The following MAP2K1 variants were observed in gnomAD, a reference collection of about 807,000 sequenced individuals.
MAP2K1 encodes the protein mitogen-activated protein kinase kinase 1.
In MAP2K1, 16 loss-of-function variants were observed where a neutral mutation model predicts 46.3. The observed-to-expected ratio is 0.35, with a 90% CI of 0.23 to 0.52. The LOEUF is 0.52. Ranked by LOEUF, MAP2K1 falls within the 20% of genes least tolerant of loss-of-function variation. MAP2K1 has a pLI of 0.94. For missense variants in MAP2K1, 263 were observed against 497.1 expected (o/e 0.53, Z 4.48); for synonymous variants, 183 against 185.6 (o/e 0.99, Z 0.11).
At chr15:66,465,369 T>C (rs1006356796) in intron 5 of MAP2K1, among the ~76,000 whole-genome samples, 4 of 152,238 alleles carry the variant, frequency 2.6e-5, no homozygotes, top group East Asian at 3.9e-4. Context: ...TTGTGATCGA[T>C]TGAGCAAGTG....
chr15:66,457,609 C>T (rs1173079659), intron 5 of MAP2K1, among the ~76,000 whole-genome samples: 1 of 152,100 alleles, frequency 6.6e-6, no homozygotes, highest in African/African-American at 2.4e-5. Flanking sequence ...AAAAATCTTC[C>T]TAACCAAAAG....
intron 2 of MAP2K1, among the ~76,000 whole-genome samples, chr15:66,435,801 G>T (rs781034808): frequency 2.6e-5 from 4 of 152,176 alleles, no homozygotes; most frequent in Non-Finnish European, 5.9e-5. Flanking sequence ...CTTATCAAGT[G>T]CTGGAGAAGC....
intron 1 of MAP2K1, among the ~76,000 whole-genome samples, chr15:66,396,024 T>TTGGAGA (rs771603476): frequency 6.6e-6 from 1 of 152,128 alleles, no homozygotes; most frequent in Non-Finnish European, 1.5e-5. Flanking sequence ...TGTTTTGTTT[T>TTGGAGA]TGGAGATGAG....
intron 6 of MAP2K1, 91 bp downstream of exon 6, chr15:66,481,970 G>T: frequency 1.3e-6 from 2 of 1,484,216 alleles, no homozygotes; most frequent in East Asian, 2.5e-5. Context: ...AGAGTCTTGT[G>T]CTGGGTAGGG....
At chr15:66,439,256 T>G (rs2093497044) in intron 3 of MAP2K1, among the ~76,000 whole-genome samples, 1 of 152,244 alleles carries the variant, frequency 6.6e-6, no homozygotes, top group Non-Finnish European at 1.5e-5. Flanking sequence ...TCCCAGCTTC[T>G]GAAGGTCTTT....
chr15:66,484,140 C>T (rs369292632), intron 6 of MAP2K1, among the ~76,000 whole-genome samples: 1 of 126,038 alleles, frequency 7.9e-6, no homozygotes, highest in South Asian at 2.3e-4. Context: ...TCAGCCACCA[C>T]CCCCCCCCAC....
At chr15:66,434,717 A>C (rs1567008901) in intron 1 of MAP2K1, among the ~76,000 whole-genome samples, 1 of 152,218 alleles carries the variant, frequency 6.6e-6, no homozygotes, top group African/African-American at 2.4e-5. Flanking sequence ...AAGGTGGCTC[A>C]TTCTGGATTT....
In MAP2K1 at chr15:66,400,036, A is replaced by G. The variant is rs73469988; in HGVS notation, c.80+12609A>G. 8.5e-3 allele frequency among the ~76,000 whole-genome samples: 1,299 copies of G among 152,302 alleles called. 27 individuals are homozygous for G. Among genetic ancestry groups the G allele is most frequent in the African/African-American group, 0.03 (1,237 of 41,562 alleles). On this transcript the variant is annotated intron_variant, in intron 1 of 10. Transcript: ENST00000307102. ...TTTATTCACTAAATCTACTTTATGA[A>G]TCTTTTTCTTATTAGGAAACATACT...
chr15:66,396,358 C>T (rs532301459), intron 1 of MAP2K1, among the ~76,000 whole-genome samples: 15 of 151,688 alleles, frequency 9.9e-5, no homozygotes, highest in African/African-American at 3.4e-4. Flanking sequence ...GGCTCACGGC[C>T]ACCTCCGCCT....
At chr15:66,403,603 C>T (rs183428044) in intron 1 of MAP2K1, among the ~76,000 whole-genome samples, 6 of 152,206 alleles carry the variant, frequency 3.9e-5, no homozygotes, top group African/African-American at 1.2e-4. Context: ...ATTTACTTTT[C>T]AGACAAAGTG....
At position 66,481,848 on chromosome 15, in the gene MAP2K1, A is replaced by C. The variant is rs2140668130; in HGVS notation, c.662A>C (p.Asn221Thr). 6.2e-7 allele frequency: 1 copy of C among 1,613,856 alleles called. No individual in the cohort carries two copies. The highest frequency in any genetic ancestry group is 8.5e-7 in the Non-Finnish European group (1 of 1,179,946). The change falls in exon 6 of 11, where the codon AAC becomes ACC. Residue 221 changes from asparagine to threonine, a missense_variant. Asn to Thr is a moderately conservative substitution (Grantham distance 65). Coordinates refer to ENST00000307102, the MANE Select transcript of MAP2K1 (RefSeq NM_002755.4). The stretch of plus-strand genomic sequence containing the variant: ...GGGCAGCTCATCGACTCCATGGCCA[A>C]CTCCTTCGTGGGCACAAGGTCCTAC... ...VSGQLIDSMANSFVGTRSYMS... is the reference protein window; with the variant it reads ...VSGQLIDSMATSFVGTRSYMS...
At chr15:66,446,031 C>T (rs111458651) in intron 5 of MAP2K1, among the ~76,000 whole-genome samples, 31,041 of 151,994 alleles carry the variant, frequency 0.2, 3,855 homozygotes, top group Middle Eastern at 0.32. Flanking sequence ...TGAGACCACC[C>T]TGGCCAACAT....
intron 1 of MAP2K1, among the ~76,000 whole-genome samples, chr15:66,395,964 G>C (rs930469222): frequency 2.0e-5 from 3 of 152,098 alleles, no homozygotes; most frequent in Non-Finnish European, 4.4e-5. Context: ...TTTCTCCACC[G>C]TCTGCTGTGG....
chr15:66,409,809 C>T (rs2093406912), intron 1 of MAP2K1, among the ~76,000 whole-genome samples: 1 of 152,146 alleles, frequency 6.6e-6, no homozygotes, highest in African/African-American at 2.4e-5. Flanking sequence ...GAATGCTGTG[C>T]TAAGCAGGCT....
At chr15:66,425,822 C>T (rs1304384626) in intron 1 of MAP2K1, among the ~76,000 whole-genome samples, 1 of 152,148 alleles carries the variant, frequency 6.6e-6, no homozygotes, top group African/African-American at 2.4e-5. Context: ...GAAGGGCACA[C>T]CTTGCAGGGG....
intron 5 of MAP2K1, among the ~76,000 whole-genome samples, chr15:66,460,987 T>C (rs1665909356): frequency 6.6e-6 from 1 of 152,108 alleles, no homozygotes; most frequent in Non-Finnish European, 1.5e-5. Flanking sequence ...CTCCTCCTCC[T>C]CAGATCACAA....
intron 6 of MAP2K1, among the ~76,000 whole-genome samples, chr15:66,483,581 A>T (rs1892964357): frequency 6.6e-6 from 1 of 152,196 alleles, no homozygotes; most frequent in African/African-American, 2.4e-5. Flanking sequence ...CTATGGGCAG[A>T]ATAAAGATTT....
intron 1 of MAP2K1, among the ~76,000 whole-genome samples, chr15:66,410,586 T>C (rs183758989): frequency 5.4e-4 from 82 of 152,308 alleles, no homozygotes; most frequent in African/African-American, 1.9e-3. Flanking sequence ...TGAAGGCTTA[T>C]TAAAATGTAA....
intron 1 of MAP2K1, among the ~76,000 whole-genome samples, chr15:66,414,233 C>G (rs2093419188): frequency 6.7e-6 from 1 of 148,520 alleles, no homozygotes; most frequent in African/African-American, 2.4e-5. Context: ...ACACACAGTC[C>G]TCTGTAAGAC....
Sources: allele counts gnomAD v4.1 joint callset (sites outside exome capture counted in the v4.1 genomes callset), GRCh38; gene constraint gnomAD v4.1.1; transcripts MANE v1.5; gene names NCBI Gene and HGNC (gene_info 2026-07-23, HGNC 2026-07-21).